Variants in PLXDC2 observed in about 807,000 individuals in gnomAD.
The protein encoded by PLXDC2 is plexin domain containing 2.
In PLXDC2, 40 loss-of-function variants were observed where a neutral mutation model predicts 68.9. The observed-to-expected ratio is 0.58, with a 90% CI of 0.45 to 0.76. PLXDC2 has a LOEUF of 0.76. Ranked by LOEUF, PLXDC2 falls within the 30% of genes least tolerant of loss-of-function variation. The pLI is 0.00. For synonymous variants in PLXDC2, 243 were observed against 234.2 expected (o/e 1.04, Z -0.34); for missense variants, 644 against 661.9 (o/e 0.97, Z 0.30).
intron 2 of PLXDC2, among the ~76,000 whole-genome samples, chr10:20,016,260 T>A (rs1835207946): frequency 6.6e-6 from 1 of 152,038 alleles, no homozygotes; most frequent in East Asian, 1.9e-4. Context: ...AAAGTAGTGT[T>A]TAACTGAGGG....
At chr10:20,269,678 C>T (rs1298576016) in intron 13 of PLXDC2, among the ~76,000 whole-genome samples, 1 of 152,014 alleles carries the variant, frequency 6.6e-6, no homozygotes, top group Admixed American at 6.6e-5. Flanking sequence ...ACCACAGAAG[C>T]TAACTATCAT....
intron 1 of PLXDC2, among the ~76,000 whole-genome samples, chr10:19,893,280 G>A (rs72785811): frequency 0.052 from 7,854 of 152,160 alleles, 253 homozygotes; most frequent in Middle Eastern, 0.13. Flanking sequence ...ATACACATTC[G>A]AAGTGTCTAA....
chr10:20,208,151 T>G (rs984482866), intron 9 of PLXDC2, among the ~76,000 whole-genome samples: 20 of 125,404 alleles, frequency 1.6e-4, no homozygotes, highest in African/African-American at 5.7e-4. Flanking sequence ...GATTTTTGTA[T>G]ATTATATATA....
At position 20,082,065 on chromosome 10, in the gene PLXDC2, A is replaced by AAAAAAAAAAAAAAAAAAAAG. The variant is rs1836573384; in HGVS notation, c.541+13837_541+13838insAAAAAAAAGAAAAAAAAAAA. Among the ~76,000 whole-genome samples, 2 of 46,820 alleles carry AAAAAAAAAAAAAAAAAAAAG rather than the reference A, an allele frequency of 4.3e-5. 1 individual carries two copies. The highest frequency in any genetic ancestry group is 2.4e-4 in the African/African-American group (2 of 8,402). The allele number at this position is 46,820 out of a possible 152,430, so 30.7% of individuals were successfully genotyped here. A position where few individuals can be genotyped will look rare whatever the true frequency, so the allele number is the denominator to read the frequency against. ...CATCTGAAAAAAAAAAAAAAAAATC[A>AAAAAAAAAAAAAAAAAAAAG]AAAAAAAAAAACAGGAGAAGTCTGA... is the stretch of plus-strand genomic sequence containing the variant. On this transcript the variant is annotated intron_variant, in intron 4 of 13. Coordinates refer to ENST00000377252, the MANE Select transcript of PLXDC2 (RefSeq NM_032812.9).
intron 4 of PLXDC2, among the ~76,000 whole-genome samples, chr10:20,132,264 C>G (rs74482292): frequency 6.6e-6 from 1 of 152,086 alleles, no homozygotes; most frequent in African/African-American, 2.4e-5. Context: ...TTTGACCTAA[C>G]GTGGATCTAT....
At chr10:19,832,214 A>G (rs761343629) in intron 1 of PLXDC2, among the ~76,000 whole-genome samples, 10 of 152,250 alleles carry the variant, frequency 6.6e-5, no homozygotes, top group Non-Finnish European at 1.3e-4. Context: ...TGCTTCAGAC[A>G]TAGCACCTAG....
At chr10:20,082,669 TAAC>T (rs1325623351) in intron 4 of PLXDC2, among the ~76,000 whole-genome samples, 9 of 152,290 alleles carry the variant, frequency 5.9e-5, no homozygotes, top group African/African-American at 2.2e-4. Flanking sequence ...ATAAAATGTA[TAAC>T]TAACACTGTG....
At chr10:19,932,937 C>T (rs1420044641) in intron 1 of PLXDC2, among the ~76,000 whole-genome samples, 5 of 152,248 alleles carry the variant, frequency 3.3e-5, no homozygotes, top group Middle Eastern at 3.4e-3. Flanking sequence ...TGTTCAGTTA[C>T]CTTTTGTATT....
intron 2 of PLXDC2, among the ~76,000 whole-genome samples, chr10:20,020,569 G>T (rs1219163562): frequency 6.6e-6 from 1 of 151,734 alleles, no homozygotes; most frequent in Non-Finnish European, 1.5e-5. Context: ...ATATATATAT[G>T]TATATAAGTG....
chr10:19,920,053 G>T (rs1206886358), intron 1 of PLXDC2, among the ~76,000 whole-genome samples: 1 of 152,238 alleles, frequency 6.6e-6, no homozygotes, highest in East Asian at 1.9e-4. Context: ...GTGGCTGGAG[G>T]TGGTATTTGC....
At chr10:20,160,236 T>C (rs1834272988) in intron 6 of PLXDC2, among the ~76,000 whole-genome samples, 3 of 152,198 alleles carry the variant, frequency 2.0e-5, no homozygotes, top group Non-Finnish European at 2.9e-5. Context: ...TATTTTCTAC[T>C]GTCTAATCCC....
At chr10:20,278,694 G>A (rs1030672245) in intron 13 of PLXDC2, among the ~76,000 whole-genome samples, 3 of 151,824 alleles carry the variant, frequency 2.0e-5, no homozygotes, top group African/African-American at 7.3e-5. Flanking sequence ...ATTAACCATC[G>A]ACATTGGCAT....
At chr10:20,189,157 A>G (rs114169151) in intron 9 of PLXDC2, among the ~76,000 whole-genome samples, 2,440 of 147,424 alleles carry the variant, frequency 0.017, 118 homozygotes, top group African/African-American at 0.056. Flanking sequence ...GAGTTTAACA[A>G]AAGTGTACTA....
At chr10:20,060,865 A>G (rs541584314) in intron 3 of PLXDC2, among the ~76,000 whole-genome samples, 3 of 152,246 alleles carry the variant, frequency 2.0e-5, no homozygotes, top group Non-Finnish European at 4.4e-5. Flanking sequence ...ATCACGTAGT[A>G]TAAAAGAAGA....
chr10:20,200,041 AGGAG>A (rs1290697712), intron 9 of PLXDC2, among the ~76,000 whole-genome samples: 2 of 151,944 alleles, frequency 1.3e-5, no homozygotes, highest in African/African-American at 4.8e-5. Context: ...ATGCTAAGGT[AGGAG>A]AGGCTTTTCT....
At chr10:19,833,737 G>T (rs1035038234) in intron 1 of PLXDC2, among the ~76,000 whole-genome samples, 7 of 152,112 alleles carry the variant, frequency 4.6e-5, no homozygotes, top group South Asian at 2.1e-4. Flanking sequence ...ACTTTTTTTG[G>T]ATAATGATGC....
At chr10:20,126,797 C>CATGTTATATATGTATATAGAACACACAT (rs371472114) in intron 4 of PLXDC2, among the ~76,000 whole-genome samples, 6 of 56,648 alleles carry the variant, frequency 1.1e-4, no homozygotes, top group East Asian at 6.9e-4. Flanking sequence ...ATAGAACACA[C>CATGTTATATATGTATATAGAACACACAT]GTTATATATG....
intron 1 of PLXDC2, among the ~76,000 whole-genome samples, chr10:19,819,942 T>A (rs1404907778): frequency 1.3e-5 from 2 of 152,260 alleles, no homozygotes; most frequent in African/African-American, 4.8e-5. Context: ...AATGGACATC[T>A]GTCATATTGT....
intron 1 of PLXDC2, among the ~76,000 whole-genome samples, chr10:19,922,340 C>G (rs1232310446): frequency 6.6e-6 from 1 of 152,122 alleles, no homozygotes; most frequent in Non-Finnish European, 1.5e-5. Context: ...ATGGGGCTGT[C>G]CCTGGAGGGT....
Sources: allele counts gnomAD v4.1 joint callset (sites outside exome capture counted in the v4.1 genomes callset), GRCh38; gene constraint gnomAD v4.1.1; transcripts MANE v1.5; gene names NCBI Gene and HGNC (gene_info 2026-07-23, HGNC 2026-07-21).